The following ATP1B3 variants were observed in gnomAD, a reference collection of about 807,000 sequenced individuals.
ATP1B3 encodes sodium/potassium-transporting ATPase subunit beta-3.
ATP1B3 carries 10 observed loss-of-function variants against 30.2 expected under a neutral mutation model. The ratio of observed to expected loss-of-function variants is 0.33; its 90% CI spans 0.20 to 0.56. The LOEUF (loss-of-function observed/expected upper bound fraction) is 0.56, where lower values mean the gene tolerates loss of function less well. Ranked by LOEUF, ATP1B3 falls within the 20% of genes least tolerant of loss-of-function variation. The pLI is 0.90. For missense variants in ATP1B3, 238 were observed against 336.7 expected, an observed-to-expected ratio of 0.71 and a Z score of 2.29; for synonymous variants, 113 against 117.0, an observed-to-expected ratio of 0.97 and a Z score of 0.22.
At chr3:141,908,061 A>G (rs1371827226) in intron 3 of ATP1B3, among the ~76,000 whole-genome samples, 1 of 135,228 alleles carries the variant, frequency 7.4e-6, no homozygotes, top group Non-Finnish European at 1.6e-5. Flanking sequence ...TTTTTGTGCC[A>G]GGCATTCTTT....
At chr3:141,891,932 GT>G (rs1933962342) in intron 1 of ATP1B3, among the ~76,000 whole-genome samples, 1 of 146,592 alleles carries the variant, frequency 6.8e-6, no homozygotes, top group East Asian at 2.0e-4. Context: ...ATTGTGTTTT[GT>G]TTTTGTAATG....
At chr3:141,878,452 G>A (rs565722943) in intron 1 of ATP1B3, among the ~76,000 whole-genome samples, 2 of 152,312 alleles carry the variant, frequency 1.3e-5, no homozygotes, top group South Asian at 2.1e-4. Context: ...TTTGAGTGGT[G>A]GAGAGAGATT....
intron 1 of ATP1B3, among the ~76,000 whole-genome samples, chr3:141,889,097 G>A (rs1181797925): frequency 1.3e-5 from 2 of 152,036 alleles, no homozygotes; most frequent in South Asian, 2.1e-4. Flanking sequence ...AGGGGGAAGT[G>A]CCACACACCT....
intron 1 of ATP1B3, chr3:141,902,299 C>T: frequency 9.1e-7 from 1 of 1,099,464 alleles, no homozygotes; most frequent in Non-Finnish European, 1.2e-6. Flanking sequence ...TTCCCCTTTA[C>T]TTGAAAAAGG....
intron 4 of ATP1B3, among the ~76,000 whole-genome samples, 199 bp from the exon 5 acceptor site, chr3:141,915,770 TA>T (rs1934451626): frequency 6.6e-6 from 1 of 152,230 alleles, no homozygotes; most frequent in Non-Finnish European, 1.5e-5. Flanking sequence ...CCCAGTACAG[TA>T]ATAAGATATC....
chr3:141,911,031 G>T (rs1934350551), intron 3 of ATP1B3, among the ~76,000 whole-genome samples: 1 of 150,280 alleles, frequency 6.7e-6, no homozygotes, highest in South Asian at 2.1e-4. Context: ...ATCTCTTTTG[G>T]ATTCTAAAAT....
chr3:141,912,669 TA>T (rs1934388048), intron 3 of ATP1B3, among the ~76,000 whole-genome samples: 2 of 152,204 alleles, frequency 1.3e-5, no homozygotes, highest in African/African-American at 4.8e-5. Flanking sequence ...TATTTATTAG[TA>T]AGCATTGTCC....
At chr3:141,915,131 C>T (rs1251793317) in intron 4 of ATP1B3, among the ~76,000 whole-genome samples, 1 of 152,112 alleles carries the variant, frequency 6.6e-6, no homozygotes, top group African/African-American at 2.4e-5. Flanking sequence ...GAGGATCAAC[C>T]TTCTGGGTTT....
chr3:141,925,477 G>T, intron 6 of ATP1B3, 54 bp from the exon 7 acceptor site: 1 of 1,523,664 alleles, frequency 6.6e-7, no homozygotes, highest in Non-Finnish European at 8.8e-7. Flanking sequence ...CTGGTAGAGA[G>T]AAGTATTAAG....
intron 4 of ATP1B3, among the ~76,000 whole-genome samples, chr3:141,914,187 C>T (rs1934415174): frequency 3.3e-5 from 5 of 152,196 alleles, no homozygotes; most frequent in Admixed American, 2.6e-4. Context: ...CAGTGCTCAT[C>T]TGTGAATCCT....
intron 1 of ATP1B3, among the ~76,000 whole-genome samples, chr3:141,887,818 GTTT>G (rs1356484940): frequency 6.6e-5 from 10 of 152,088 alleles, no homozygotes; most frequent in African/African-American, 2.4e-4. Context: ...ATACTATATG[GTTT>G]TATTTATGTG....
At position 141,925,637 on chromosome 3, in the gene ATP1B3, A is replaced by G; in HGVS notation, c.776A>G (p.Lys259Arg). 6.2e-7 allele frequency: 1 copy of G among 1,613,366 alleles called. No homozygotes were observed. The highest frequency in any genetic ancestry group is 1.1e-5 in the South Asian group (1 of 91,032). The change falls in exon 7 of 7, where the codon AAA (lysine) becomes AGA (arginine). Residue 259 changes from lysine to arginine, a missense_variant. Around this residue, in one of 3 missense-constraint regions of ATP1B3, gnomAD observed 50 missense variants for 62.3 expected, o/e 0.80. Transcript: ENST00000286371. ...AAGATTGATGGATCAGCCAACCTAAAAAGTCAGGATGATCGTGACAAGTTT... is the reference window on the plus strand; with the variant it reads ...AAGATTGATGGATCAGCCAACCTAAGAAGTCAGGATGATCGTGACAAGTTT... Reference protein sequence around the residue: ...ECKIDGSANLKSQDDRDKFLG... With the variant: ...ECKIDGSANLRSQDDRDKFLG...
At chr3:141,918,289 A>G (rs1214007494) in intron 5 of ATP1B3, 1 of 152,236 alleles carries the variant, frequency 6.6e-6, no homozygotes, top group Non-Finnish European at 1.5e-5. Context: ...GTGCGCCTGT[A>G]TACAGGAGCC....
At chr3:141,924,081 C>T (rs1433901939) in intron 6 of ATP1B3, among the ~76,000 whole-genome samples, 1 of 152,190 alleles carries the variant, frequency 6.6e-6, no homozygotes, top group Non-Finnish European at 1.5e-5. Flanking sequence ...CGGTGGCTCA[C>T]GCCTGTAATC....
At chr3:141,922,860 AGAGG>A (rs1934590749) in intron 6 of ATP1B3, among the ~76,000 whole-genome samples, 1 of 151,664 alleles carries the variant, frequency 6.6e-6, no homozygotes, top group Admixed American at 6.6e-5. Flanking sequence ...CAGCTGCTCG[AGAGG>A]GTGAGGCAGG....
intron 1 of ATP1B3, among the ~76,000 whole-genome samples, chr3:141,894,416 C>T (rs1934020398): frequency 6.6e-6 from 1 of 152,068 alleles, no homozygotes; most frequent in South Asian, 2.1e-4. Context: ...TCTCAGCCTC[C>T]CAAAGCTATG....
At chr3:141,891,652 C>A in intron 1 of ATP1B3, among the ~76,000 whole-genome samples, 1 of 151,918 alleles carries the variant, frequency 6.6e-6, no homozygotes, top group African/African-American at 2.4e-5. Context: ...CTCCTACTTT[C>A]TTTGTATTTA....
In ATP1B3 at chr3:141,925,966, G is replaced by T. The variant is rs1050190; in HGVS notation, c.*265G>T. 0.27 allele frequency: 103,160 copies of T among 378,374 alleles called. 14,793 individuals carry two copies. The highest frequency in any genetic ancestry group is 0.34 in the African/African-American group (16,629 of 48,750). 23.4% of individuals were successfully genotyped at this position (378,374 alleles called of 1,614,324 possible). A position where few individuals can be genotyped will look rare whatever the true frequency, so the allele number is the denominator to read the frequency against. ...CTGATTCCAAACATGTAGGATGGGG[G>T]TCTTGTCCTCTTTTTATGTGGTTTA... On this transcript the variant is annotated 3_prime_UTR_variant, in exon 7 of 7. Transcript: ENST00000286371.
chr3:141,896,240 A>G (rs1934062506), intron 1 of ATP1B3, among the ~76,000 whole-genome samples: 1 of 152,056 alleles, frequency 6.6e-6, no homozygotes, highest in Admixed American at 6.6e-5. Flanking sequence ...AGGCCGAGGC[A>G]GGAGGATCAC....
Sources: gnomAD v4.1 joint callset for allele counts (sites outside exome capture counted in the v4.1 genomes callset) on GRCh38, gnomAD v4.1.1 for gene constraint, gnomAD v4.1.1 regional missense constraint, MANE v1.5 for transcripts, NCBI Gene and HGNC (gene_info 2026-07-23, HGNC 2026-07-21) for gene names.